NAV3: variants seen among roughly 807,000 people sequenced by gnomAD.
NAV3 encodes the protein pore membrane and/or filament interacting like protein 1.
Under a neutral mutation model 244.7 loss-of-function variants are expected in NAV3, and 87 were observed. The observed-to-expected ratio is 0.36, with a 90% CI of 0.30 to 0.42. NAV3 has a LOEUF of 0.42. Among genes scored for constraint, NAV3 ranks in the 20% least tolerant of loss-of-function variants. The pLI, the probability that NAV3 is intolerant of heterozygous loss-of-function variation, is 1.00. For synonymous variants in NAV3, 1,126 were observed against 1,042.2 expected (o/e 1.08, Z -1.55); for missense variants, 2,663 against 2,893.3 (o/e 0.92, Z 1.83).
intron 2 of NAV3, among the ~76,000 whole-genome samples, chr12:77,580,531 C>G (rs768733811): frequency 6.6e-5 from 10 of 152,182 alleles, no homozygotes; most frequent in Non-Finnish European, 1.3e-4. Context: ...AGTCTATGTT[C>G]AAAGACTTTA....
At chr12:77,598,291 T>A (rs964162158) in intron 2 of NAV3, among the ~76,000 whole-genome samples, 8 of 152,112 alleles carry the variant, frequency 5.3e-5, no homozygotes, top group Non-Finnish European at 1.5e-5. Flanking sequence ...AATCTTTGTA[T>A]GGATGTATCC....
chr12:77,718,755 T>C (rs900182824), intron 2 of NAV3, among the ~76,000 whole-genome samples: 1 of 152,084 alleles, frequency 6.6e-6, no homozygotes, highest in Non-Finnish European at 1.5e-5. Context: ...CCTCCTGGGT[T>C]CAAGTGATTC....
At chr12:77,751,981 A>G (rs1315573465) in intron 2 of NAV3, among the ~76,000 whole-genome samples, 1 of 152,308 alleles carries the variant, frequency 6.6e-6, no homozygotes, top group East Asian at 1.9e-4. Context: ...TCTCCTTTCC[A>G]AGAATATAAA....
chr12:77,602,886 G>T (rs1870502250), intron 2 of NAV3, among the ~76,000 whole-genome samples: 1 of 152,020 alleles, frequency 6.6e-6, no homozygotes, highest in Non-Finnish European at 1.5e-5. Flanking sequence ...AAGACCCCAT[G>T]CAACAGGGAA....
At chr12:77,888,130 T>C (rs1203193847) in intron 1 of NAV3, among the ~76,000 whole-genome samples, 2 of 151,798 alleles carry the variant, frequency 1.3e-5, no homozygotes, top group African/African-American at 2.4e-5. Flanking sequence ...TTGCAAAAGA[T>C]TTAGGAAGGT....
At chr12:77,833,939 G>A (rs1874164569) in intron 1 of NAV3, among the ~76,000 whole-genome samples, 1 of 152,022 alleles carries the variant, frequency 6.6e-6, no homozygotes, top group African/African-American at 2.4e-5. Context: ...GCCTGTCGGT[G>A]TCCTCTTCTG....
In NAV3 at chr12:78,188,613, A is replaced by G; in HGVS notation, c.5891A>G (p.Tyr1964Cys). 6.2e-7 allele frequency: 1 copy of G among 1,610,422 alleles called. No homozygotes were observed. Among genetic ancestry groups the G allele is most frequent in the Non-Finnish European group, 8.5e-7 (1 of 1,178,292 alleles). Residue 1964 changes from tyrosine (Y) to cysteine (C), a missense_variant, in exon 33 of 40, where the codon TAT becomes TGT. By Grantham distance (194) the Tyr-to-Cys change is radical (BLOSUM62 -2). This residue lies in a region of NAV3 where 543 missense variants were observed against 672.4 expected (regional missense o/e 0.81). Coordinates refer to ENST00000397909, the MANE Select transcript of NAV3 (RefSeq NM_001024383.2). ...DGVIRRLFKE[Y>C]VFRIDTSTSL... is the part of the protein sequence containing the mutation. The stretch of plus-strand genomic sequence containing the variant: ...TTTTTGTGTGTACCATTGTAGGAAT[A>G]TGTATTCCGAATTGATACATCCACT...
intron 23 of NAV3, among the ~76,000 whole-genome samples, chr12:78,164,727 G>T (rs1281599270): frequency 6.6e-6 from 1 of 152,022 alleles, no homozygotes; most frequent in Non-Finnish European, 1.5e-5. Context: ...GATGCATGGT[G>T]GAGTGGGGAA....
intron 7 of NAV3, among the ~76,000 whole-genome samples, chr12:78,003,283 G>A (rs76042959): frequency 0.017 from 2,559 of 152,044 alleles, 43 homozygotes; most frequent in Non-Finnish European, 0.026. Flanking sequence ...ATGTTGTTGT[G>A]GAATTAAAGT....
chr12:77,934,082 G>A (rs1394054659), intron 1 of NAV3, among the ~76,000 whole-genome samples: 1 of 152,076 alleles, frequency 6.6e-6, no homozygotes, highest in African/African-American at 2.4e-5. Context: ...TGAGGGCCAG[G>A]CTCATTCAGT....
chr12:78,204,885 T>G, intron 38 of NAV3, 50 bp from the exon 39 acceptor site: 1 of 1,557,006 alleles, frequency 6.4e-7, no homozygotes, highest in Non-Finnish European at 8.8e-7. Context: ...CCTTTTTTGC[T>G]GAATAGAAAT....
chr12:77,958,434 T>A (rs769509691), intron 3 of NAV3, among the ~76,000 whole-genome samples: 8 of 152,174 alleles, frequency 5.3e-5, no homozygotes, highest in Non-Finnish European at 8.8e-5. Context: ...TGTTACAGGA[T>A]GCTAATATTA....
In NAV3 at chr12:78,168,706, T is replaced by G. The variant is rs558598451; in HGVS notation, c.4870-49T>G. Reference sequence around the variant, plus strand: ...TAATTCAACTATGAGCAGGGAGATTTTATTTTTCTTTCGGGTACTAAAGCT... The same window carrying G: ...TAATTCAACTATGAGCAGGGAGATTGTATTTTTCTTTCGGGTACTAAAGCT... On this transcript the variant is annotated intron_variant, in intron 23 of 39. Coordinates refer to ENST00000397909, the MANE Select transcript of NAV3 (RefSeq NM_001024383.2). 48 of 1,255,468 alleles carry G rather than the reference T, an allele frequency of 3.8e-5. 1 individual carries two copies. The South Asian group carries it at 6.1e-4, about 16-fold the overall frequency. 77.8% of individuals were successfully genotyped at this position (1,255,468 alleles called of 1,614,324 possible).
chr12:78,055,553 A>G (rs1439883717), intron 11 of NAV3, among the ~76,000 whole-genome samples: 1 of 152,160 alleles, frequency 6.6e-6, no homozygotes, highest in Non-Finnish European at 1.5e-5. Flanking sequence ...GATGTTTCTG[A>G]TCTTCACCTG....
In NAV3 at chr12:77,862,148, A is replaced by AT. The variant is rs907197916; in HGVS notation, c.243+30456dup. Among the ~76,000 whole-genome samples the AT allele has an allele frequency of 8.2e-4, 120 of 146,654 alleles. No individual in the cohort carries two copies. The East Asian group carries it at 8.3e-3, about 10-fold the overall frequency. On this transcript the variant is annotated intron_variant, in intron 1 of 39. Coordinates refer to ENST00000397909, the MANE Select transcript of NAV3 (RefSeq NM_001024383.2). ...AGATGTGGGACACACATTAAAATGA[A>AT]TTTTTTTTTTTTGGTCATGGGTCTT... is the stretch of plus-strand genomic sequence containing the variant.
intron 4 of NAV3, among the ~76,000 whole-genome samples, chr12:77,968,180 T>C (rs1892680184): frequency 6.6e-6 from 1 of 152,222 alleles, no homozygotes; most frequent in Admixed American, 6.5e-5. Context: ...GGAATCAACA[T>C]GCTAAATCAA....
intron 2 of NAV3, among the ~76,000 whole-genome samples, chr12:77,625,775 T>G (rs1871592442): frequency 1.3e-5 from 2 of 152,148 alleles, no homozygotes; most frequent in African/African-American, 4.8e-5. Flanking sequence ...ACCAACACTA[T>G]AGATAAATCT....
chr12:78,037,843 C>T (rs2137038686), intron 9 of NAV3, among the ~76,000 whole-genome samples: 1 of 152,290 alleles, frequency 6.6e-6, no homozygotes, highest in Admixed American at 6.5e-5. Flanking sequence ...TGCCTCCGTG[C>T]TACCTGAATA....
chr12:78,184,142 T>C (rs1249992201), intron 30 of NAV3, among the ~76,000 whole-genome samples: 2 of 151,892 alleles, frequency 1.3e-5, no homozygotes, highest in Admixed American at 1.3e-4. Context: ...TATTCTGAAA[T>C]ACATACTCCA....
Sources: gnomAD v4.1 joint callset for allele counts (sites outside exome capture counted in the v4.1 genomes callset) on GRCh38, gnomAD v4.1.1 for gene constraint, gnomAD v4.1.1 regional missense constraint, MANE v1.5 for transcripts, NCBI Gene and HGNC (gene_info 2026-07-23, HGNC 2026-07-21) for gene names.